CPAMD8: variants seen among roughly 807,000 people sequenced by gnomAD.
CPAMD8 encodes the protein C3 and PZP like alpha-2-macroglobulin domain containing 8.
In CPAMD8, 146 loss-of-function variants were observed where a neutral mutation model predicts 224.7. That is an observed-to-expected ratio of 0.65 (90% confidence interval 0.57 to 0.75). The LOEUF (loss-of-function observed/expected upper bound fraction) is 0.75, where lower values mean the gene tolerates loss of function less well. CPAMD8 is among the 30% of genes least tolerant of loss of function. The pLI, the probability that CPAMD8 is intolerant of heterozygous loss-of-function variation, is 0.00. For synonymous variants in CPAMD8, 966 were observed against 1,044.6 expected (o/e 0.92, Z 1.45); for missense variants, 2,301 against 2,537.5 (o/e 0.91, Z 2.00).
At chr19:17,011,427 T>C (rs1250860821) in intron 5 of CPAMD8, 37 bp downstream of exon 5, 2 of 1,612,904 alleles carry the variant, frequency 1.2e-6, no homozygotes, top group Non-Finnish European at 1.7e-6. Flanking sequence ...CCCAAGTGGG[T>C]GCACTCCGGG....
At chr19:17,013,062 T>A (rs1407522455) in intron 3 of CPAMD8, among the ~76,000 whole-genome samples, 1 of 151,910 alleles carries the variant, frequency 6.6e-6, no homozygotes, top group Non-Finnish European at 1.5e-5. Flanking sequence ...GCACCTGTAA[T>A]CCCAGCTACT....
chr19:17,002,817 A>G (rs74419675), intron 8 of CPAMD8, among the ~76,000 whole-genome samples: 20,954 of 152,062 alleles, frequency 0.14, 1,467 homozygotes, highest in East Asian at 0.19. Flanking sequence ...GACACCCTGG[A>G]GCAGCCGGTA....
intron 12 of CPAMD8, 111 bp from the exon 13 acceptor site, chr19:16,989,882 A>T: frequency 9.7e-7 from 1 of 1,028,218 alleles, no homozygotes; most frequent in South Asian, 1.4e-5. Flanking sequence ...ATGCTCCAAT[A>T]TCCCTTTGGG....
chr19:16,997,037 C>A, intron 11 of CPAMD8, 74 bp downstream of exon 11: 1 of 921,944 alleles, frequency 1.1e-6, no homozygotes, highest in South Asian at 1.4e-5. Flanking sequence ...GTCACCACTG[C>A]AGAGCTAGTG....
chr19:16,965,097 A>G (rs1448594909), intron 18 of CPAMD8, among the ~76,000 whole-genome samples: 3 of 152,042 alleles, frequency 2.0e-5, no homozygotes, highest in African/African-American at 7.2e-5. Context: ...TGTCTCTACT[A>G]AAAATACAAA....
At chr19:16,928,838 T>G in intron 24 of CPAMD8, 104 bp downstream of exon 24, 4 of 893,600 alleles carry the variant, frequency 4.5e-6, no homozygotes, top group East Asian at 5.1e-5. Flanking sequence ...ATGTTTCCCT[T>G]GCTCCTCCTG....
rs1288945502 is a variant in CPAMD8, at chr19:17,001,341, AAAAC to A, written c.759-823_759-820del. ...GTCTGAAAAAAAAAAAAAAAAAAAA[AAAAC>A]AAGGATCAACCCCTCTCGGGTCAGC... On this transcript the variant is annotated intron_variant, in intron 9 of 41. Coordinates refer to ENST00000443236, the MANE Select transcript of CPAMD8 (RefSeq NM_015692.5). Among the ~76,000 whole-genome samples the A allele has an allele frequency of 1.2e-3, 171 of 148,512 alleles. 8 individuals carry two copies. In the East Asian group the frequency reaches 0.034, roughly 29 times the overall value.
At chr19:16,895,602 T>A (rs890598847) in intron 41 of CPAMD8, 2 of 318,632 alleles carry the variant, frequency 6.3e-6, no homozygotes, top group Non-Finnish European at 1.2e-5. Context: ...ATGGTTGAGA[T>A]TACACAAATC....
intron 21 of CPAMD8, 94 bp from the exon 22 acceptor site, chr19:16,945,773 ATGCATGTGTGTGTGTG>A (rs930647443): frequency 6.0e-6 from 7 of 1,157,984 alleles, no homozygotes; most frequent in Admixed American, 3.5e-5. Context: ...GTGTGCATGC[ATGCATGTGTGTGTGTG>A]TGCATGTGTG....
Position 16,957,357 on chromosome 19 carries a change from C to T in CPAMD8, c.2276+496G>A, listed in dbSNP as rs186810444. ...TTTACTAGTGTCATTGGTGCTCTAA[C>T]GCTGAGCATTGCAAGAAAAAAAGTC... On this transcript the variant is annotated intron_variant, in intron 19 of 41. Coordinates refer to ENST00000443236, the MANE Select transcript of CPAMD8 (RefSeq NM_015692.5). Among the ~76,000 whole-genome samples, 17 of 152,298 alleles carry T rather than the reference C, an allele frequency of 1.1e-4. No homozygotes were observed. The East Asian group carries it at 1.5e-3, about 14-fold the overall frequency.
At chr19:16,977,900 C>A (rs1422779659) in intron 14 of CPAMD8, among the ~76,000 whole-genome samples, 4 of 152,150 alleles carry the variant, frequency 2.6e-5, no homozygotes, top group African/African-American at 9.7e-5. Context: ...CCCCAATATG[C>A]CCCTGACCTC....
At chr19:17,012,158 A>G (rs2056673218) in intron 3 of CPAMD8, among the ~76,000 whole-genome samples, 1 of 151,562 alleles carries the variant, frequency 6.6e-6, no homozygotes, top group Non-Finnish European at 1.5e-5. Context: ...AGATGGGATT[A>G]CAGGTGTGTG....
intron 22 of CPAMD8, among the ~76,000 whole-genome samples, chr19:16,942,197 C>A (rs2053919469): frequency 6.6e-6 from 1 of 152,154 alleles, no homozygotes; most frequent in Non-Finnish European, 1.5e-5. Flanking sequence ...CACAGTGGCT[C>A]ATGCCTGTAA....
At chr19:17,006,199 T>C (rs1343578204) in intron 7 of CPAMD8, among the ~76,000 whole-genome samples, 2 of 152,036 alleles carry the variant, frequency 1.3e-5, no homozygotes, top group African/African-American at 4.8e-5. Context: ...TGACCTCAGG[T>C]GATCTGCCCG....
chr19:16,928,161 T>G lies in CPAMD8; in HGVS notation c.3218A>C (p.Gln1073Pro). The G allele has an allele frequency of 6.2e-7, 1 of 1,614,136 alleles. No homozygotes were observed. The highest frequency in any genetic ancestry group is 1.1e-5 in the South Asian group (1 of 91,086). Residue 1073 changes from glutamine (Q) to proline (P), a missense_variant, in exon 25 of 42, where the codon CAG becomes CCG. Gln to Pro is a moderately conservative substitution (Grantham distance 76). This residue lies in a region of CPAMD8 where 1,709 missense variants were observed against 1,753.2 expected (regional missense o/e 0.97). Transcript: ENST00000443236. The stretch of plus-strand genomic sequence containing the variant: ...CCAGCCGGTGGAAAAGCCAATGAAC[T>G]GGACCTCTGGTGGCCTCGGGAGGGT... ...AWTLPRPPEV[Q>P]FIGFSTGWGS...
At chr19:16,978,370 G>A (rs1027148169) in intron 14 of CPAMD8, among the ~76,000 whole-genome samples, 4 of 152,112 alleles carry the variant, frequency 2.6e-5, no homozygotes, top group Non-Finnish European at 4.4e-5. Context: ...GGCTGCAGTG[G>A]GGTTAAATGG....
Position 16,918,881 on chromosome 19 carries a change from T to C in CPAMD8, c.3629+3024A>G, listed in dbSNP as rs138455819. ...AAAATCTGAAATGCTCCAATGAACA[T>C]TTCCCTTGAGCATGAGGTTGGCACT... On this transcript the variant is annotated intron_variant, in intron 27 of 41. Transcript: ENST00000443236. Among the ~76,000 whole-genome samples the C allele has an allele frequency of 2.6e-3, 398 of 151,888 alleles. 3 individuals carry two copies. Among genetic ancestry groups the C allele is most frequent in the African/African-American group, 6.6e-3 (272 of 41,434 alleles).
At chr19:16,908,551 A>G (rs1386387448) in intron 29 of CPAMD8, among the ~76,000 whole-genome samples, 2 of 152,142 alleles carry the variant, frequency 1.3e-5, no homozygotes, top group Admixed American at 1.3e-4. Flanking sequence ...TGGTTCAGAG[A>G]AGCTGCCCAA....
chr19:16,973,708 G>A (rs992297673), intron 17 of CPAMD8, among the ~76,000 whole-genome samples: 2 of 152,010 alleles, frequency 1.3e-5, no homozygotes, highest in Non-Finnish European at 2.9e-5. Context: ...CATTTGAGTG[G>A]AGACCACCAG....
Sources: allele counts gnomAD v4.1 joint callset (sites outside exome capture counted in the v4.1 genomes callset), GRCh38; gene constraint gnomAD v4.1.1; regional missense constraint gnomAD v4.1.1; transcripts MANE v1.5; gene names NCBI Gene and HGNC (gene_info 2026-07-23, HGNC 2026-07-21).